RALGPS2: variants seen among roughly 807,000 people sequenced by gnomAD.
RALGPS2 encodes ras-specific guanine nucleotide-releasing factor RalGPS2.
RALGPS2 carries 43 observed loss-of-function variants against 86.8 expected under a neutral mutation model. That is an observed-to-expected ratio of 0.50 (90% CI 0.39 to 0.64). The LOEUF (loss-of-function observed/expected upper bound fraction) is 0.64, where lower values mean the gene tolerates loss of function less well. RALGPS2 is among the 30% of genes least tolerant of loss of function. The pLI is 0.00. For missense variants in RALGPS2, 536 were observed against 694.6 expected (o/e 0.77, Z 2.57); for synonymous variants, 243 against 231.3 (o/e 1.05, Z -0.46).
chr1:178,808,851 T>G (rs1192032014), intron 5 of RALGPS2, among the ~76,000 whole-genome samples: 1 of 152,180 alleles, frequency 6.6e-6, no homozygotes, highest in East Asian at 1.9e-4. Context: ...AGTTAACAAA[T>G]TCTTCTTTTA....
At chr1:178,784,819 A>G (rs979189991) in intron 3 of RALGPS2, among the ~76,000 whole-genome samples, 1 of 152,046 alleles carries the variant, frequency 6.6e-6, no homozygotes, top group Non-Finnish European at 1.5e-5. Context: ...CTCTAAGCCA[A>G]CTGTATTTTG....
intron 8 of RALGPS2, among the ~76,000 whole-genome samples, chr1:178,844,371 A>G (rs1464945668): frequency 6.6e-6 from 1 of 152,208 alleles, no homozygotes; most frequent in Non-Finnish European, 1.5e-5. Flanking sequence ...GAAGCTTGTA[A>G]AAGGGAGTAG....
At chr1:178,738,133 A>G (rs935274077) in intron 1 of RALGPS2, among the ~76,000 whole-genome samples, 3 of 151,958 alleles carry the variant, frequency 2.0e-5, no homozygotes, top group Non-Finnish European at 4.4e-5. Flanking sequence ...GGCTAGGAAC[A>G]CAATATGGCT....
At chr1:178,859,444 G>A (rs1454986891) in intron 8 of RALGPS2, among the ~76,000 whole-genome samples, 26 of 127,034 alleles carry the variant, frequency 2.0e-4, no homozygotes, top group Admixed American at 3.7e-4. Flanking sequence ...TCGCTCTGTC[G>A]CCAGGCTGGA....
rs183659438 is a variant in RALGPS2, at chr1:178,853,520, A to G, written c.607+19970A>G. The G allele has an allele frequency of 4.2e-5, 50 of 1,190,690 alleles. No homozygotes were observed. In the Admixed American group the frequency reaches 6.8e-4, roughly 16 times the overall value. 73.8% of individuals were successfully genotyped at this position (1,190,690 alleles called of 1,614,324 possible). ...TTTAACTGTGTGTCTTATTTATTGC[A>G]TAGCATCTTGTTTCTTGCATTATTG... On this transcript the variant is annotated intron_variant, in intron 8 of 19. Transcript: ENST00000367635.
At chr1:178,818,004 G>A (rs1217011649) in intron 6 of RALGPS2, among the ~76,000 whole-genome samples, 6 of 152,190 alleles carry the variant, frequency 3.9e-5, no homozygotes, top group South Asian at 4.1e-4. Flanking sequence ...AGAGACTGGA[G>A]TAAATACTCT....
chr1:178,767,957 G>C (rs1451287518), intron 1 of RALGPS2, among the ~76,000 whole-genome samples: 1 of 152,170 alleles, frequency 6.6e-6, no homozygotes, highest in Non-Finnish European at 1.5e-5. Flanking sequence ...GCCAGAAGCT[G>C]TCTCGAACTC....
At chr1:178,806,337 G>C (rs1172085663) in intron 4 of RALGPS2, among the ~76,000 whole-genome samples, 1 of 152,110 alleles carries the variant, frequency 6.6e-6, no homozygotes, top group East Asian at 1.9e-4. Context: ...TGCTTCAGTT[G>C]TTTTTTAACT....
chr1:178,810,099 G>A (rs1477674419), intron 5 of RALGPS2, among the ~76,000 whole-genome samples: 1 of 151,052 alleles, frequency 6.6e-6, no homozygotes, highest in Non-Finnish European at 1.5e-5. Flanking sequence ...AAAAAGTCAC[G>A]TTGGCCAGGT....
chr1:178,899,726 A>G (rs954649484), intron 17 of RALGPS2, among the ~76,000 whole-genome samples: 7 of 150,702 alleles, frequency 4.6e-5, no homozygotes, highest in African/African-American at 1.7e-4. Flanking sequence ...GGGTCATTCT[A>G]TGAGACAGCT....
intron 8 of RALGPS2, among the ~76,000 whole-genome samples, chr1:178,837,772 T>C (rs896758137): frequency 1.3e-4 from 20 of 152,112 alleles, no homozygotes; most frequent in South Asian, 2.1e-4. Flanking sequence ...GCATTCCCTT[T>C]CCTAACCAAG....
intron 8 of RALGPS2, chr1:178,850,908 T>G (rs1210293515): frequency 2.6e-6 from 1 of 385,930 alleles, no homozygotes; most frequent in Non-Finnish European, 4.5e-6. Context: ...GTCAACATAA[T>G]TTTTAAAATA....
chr1:178,791,122 G>A (rs1653930089), intron 4 of RALGPS2, among the ~76,000 whole-genome samples: 1 of 151,860 alleles, frequency 6.6e-6, no homozygotes, highest in African/African-American at 2.4e-5. Context: ...AGTGTATTTT[G>A]TTTTTGTTTG....
intron 11 of RALGPS2, among the ~76,000 whole-genome samples, chr1:178,884,023 T>A (rs550608351): frequency 6.6e-6 from 1 of 152,076 alleles, no homozygotes; most frequent in Non-Finnish European, 1.5e-5. Context: ...TTGTCAGTAG[T>A]GTACAAACAA....
At chr1:178,845,815 A>C (rs1656839415) in intron 8 of RALGPS2, among the ~76,000 whole-genome samples, 1 of 152,134 alleles carries the variant, frequency 6.6e-6, no homozygotes, top group African/African-American at 2.4e-5. Context: ...ATAGAACTTA[A>C]TATCTCTGGA....
chr1:178,742,772 G>A (rs919026335), intron 1 of RALGPS2, among the ~76,000 whole-genome samples: 3 of 152,200 alleles, frequency 2.0e-5, no homozygotes, highest in Admixed American at 6.5e-5. Context: ...TGATCACAGT[G>A]TAATTCAATT....
chr1:178,799,602 C>G (rs1654373423), intron 4 of RALGPS2, among the ~76,000 whole-genome samples: 1 of 152,054 alleles, frequency 6.6e-6, no homozygotes. Context: ...AAATGAGAAC[C>G]CCTTTTCTGG....
intron 13 of RALGPS2, among the ~76,000 whole-genome samples, chr1:178,887,499 A>T (rs1168595111): frequency 6.6e-6 from 1 of 152,192 alleles, no homozygotes; most frequent in East Asian, 1.9e-4. Flanking sequence ...TTTTATTTTT[A>T]AAAAGAAATA....
chr1:178,777,024 G>T (rs1164093366), intron 2 of RALGPS2, among the ~76,000 whole-genome samples: 1 of 150,870 alleles, frequency 6.6e-6, no homozygotes, highest in Non-Finnish European at 1.5e-5. Context: ...ATATGTATAC[G>T]TGTGCCATGC....
Sources: allele counts gnomAD v4.1 joint callset (sites outside exome capture counted in the v4.1 genomes callset), GRCh38; gene constraint gnomAD v4.1.1; transcripts MANE v1.5; gene names NCBI Gene and HGNC (gene_info 2026-07-23, HGNC 2026-07-21).